The following MGAT5B variants were observed in gnomAD, a reference collection of about 807,000 sequenced individuals.
MGAT5B encodes the protein alpha-1,6-mannosylglycoprotein 6-beta-N-acetylglucosaminyltransferase B, also known as N-acetylglucosaminyl-transferase Vb.
MGAT5B carries 54 observed loss-of-function variants against 95.1 expected under a neutral mutation model. The observed-to-expected ratio is 0.57, with a 90% CI of 0.46 to 0.71. MGAT5B has a LOEUF of 0.71. Ranked by LOEUF, MGAT5B falls within the 30% of genes least tolerant of loss-of-function variation. The probability of loss-of-function intolerance (pLI) is 0.00; values close to 1 mark genes in which losing one functional copy is unlikely to be tolerated. For missense variants in MGAT5B, 935 were observed against 1,088.6 expected (o/e 0.86, Z 1.99); for synonymous variants, 464 against 451.0 (o/e 1.03, Z -0.36).
At chr17:76,929,145 C>T (rs1969407007) in intron 10 of MGAT5B, among the ~76,000 whole-genome samples, 2 of 152,094 alleles carry the variant, frequency 1.3e-5, no homozygotes, top group African/African-American at 2.4e-5. Flanking sequence ...GGATTCCAGG[C>T]GTGAGCCACT....
chr17:76,885,244 C>T (rs970531546), intron 3 of MGAT5B, among the ~76,000 whole-genome samples: 1 of 152,108 alleles, frequency 6.6e-6, no homozygotes, highest in Non-Finnish European at 1.5e-5. Context: ...GTCTGTGTGC[C>T]CTCGGATCCA....
At chr17:76,901,863 C>T (rs1968324784) in intron 3 of MGAT5B, among the ~76,000 whole-genome samples, 1 of 152,272 alleles carries the variant, frequency 6.6e-6, no homozygotes, top group Non-Finnish European at 1.5e-5. Context: ...CCTAGCCAGG[C>T]TCTTGAATGG....
chr17:76,906,311 C>A lies in MGAT5B; in HGVS notation c.1025+124C>A. 1 of 855,234 alleles carries A rather than the reference C, an allele frequency of 1.2e-6. No individual in the cohort carries two copies. Among genetic ancestry groups the A allele is most frequent in the Non-Finnish European group, 1.7e-6 (1 of 577,190 alleles). 53.0% of individuals were successfully genotyped at this position (855,234 alleles called of 1,614,324 possible). On this transcript the variant is annotated intron_variant, in intron 8 of 17. Coordinates refer to ENST00000569840, the MANE Select transcript of MGAT5B (RefSeq NM_001199172.2). The surrounding 1 kb of genome is among the most constrained non-coding windows in gnomAD (Gnocchi z 4.6). ...GCCTGCAGGTCCCACGGCCCTGAGA[C>A]CCTGGGAGACATCCTGGTGTTCCGC...
chr17:76,929,852 T>A (rs1040611977), intron 10 of MGAT5B, among the ~76,000 whole-genome samples: 2 of 152,220 alleles, frequency 1.3e-5, no homozygotes, highest in African/African-American at 4.8e-5. Flanking sequence ...GTTGCAATAC[T>A]TCCCTGTCCC....
intron 15 of MGAT5B, among the ~76,000 whole-genome samples, chr17:76,945,808 C>T (rs1227460681): frequency 6.6e-6 from 1 of 152,174 alleles, no homozygotes; most frequent in Non-Finnish European, 1.5e-5. Context: ...ATGCCAGGCA[C>T]TGTGCCAGGC....
intron 12 of MGAT5B, among the ~76,000 whole-genome samples, chr17:76,935,876 A>AC (rs1969644383): frequency 1.9e-5 from 2 of 102,700 alleles, no homozygotes; most frequent in Non-Finnish European, 2.2e-5. Flanking sequence ...TACATTATAT[A>AC]TATTATATAT....
intron 2 of MGAT5B, among the ~76,000 whole-genome samples, chr17:76,874,218 T>C (rs1332294622): frequency 2.0e-5 from 3 of 152,174 alleles, no homozygotes; most frequent in Non-Finnish European, 4.4e-5. Context: ...CCAGGCTCGT[T>C]GCGAGGCTGT....
At chr17:76,903,052 A>G (rs896618948) in intron 4 of MGAT5B, among the ~76,000 whole-genome samples, 1 of 152,122 alleles carries the variant, frequency 6.6e-6, no homozygotes, top group Admixed American at 6.5e-5. Context: ...GGGTGGGTGC[A>G]TGAGGTCTGC....
At position 76,916,349 on chromosome 17, in the gene MGAT5B, C is replaced by T. The variant is rs1373017997; in HGVS notation, c.1026-8617C>T. On this transcript the variant is annotated intron_variant, in intron 8 of 17. Coordinates refer to ENST00000569840, the MANE Select transcript of MGAT5B (RefSeq NM_001199172.2). This position sits in a 1 kb window ranked among gnomAD's most constrained non-coding sequence, Gnocchi z 5.3. ...CTGAACATTGACCAATAAGCAAGAC[C>T]GATGGAGGCCGTGCCGTGTCGCCTT... 1.3e-5 allele frequency among the ~76,000 whole-genome samples: 2 copies of T among 152,244 alleles called. No individual in the cohort carries two copies. Among genetic ancestry groups the T allele is most frequent in the Admixed American group, 6.5e-5 (1 of 15,294 alleles).
intron 12 of MGAT5B, among the ~76,000 whole-genome samples, chr17:76,935,352 T>G (rs1271744132): frequency 6.9e-6 from 1 of 144,756 alleles, no homozygotes; most frequent in African/African-American, 2.5e-5. Context: ...AAACATATGC[T>G]TTCATTTCTC....
intron 15 of MGAT5B, among the ~76,000 whole-genome samples, chr17:76,943,336 C>T (rs1035129656): frequency 6.6e-6 from 1 of 152,126 alleles, no homozygotes; most frequent in Non-Finnish European, 1.5e-5. Context: ...CCAACGGAGG[C>T]CCCTCTGCCT....
chr17:76,888,033 G>A (rs1234146637), intron 3 of MGAT5B, among the ~76,000 whole-genome samples: 1 of 152,186 alleles, frequency 6.6e-6, no homozygotes, highest in Non-Finnish European at 1.5e-5. Flanking sequence ...CTGGAGCACA[G>A]TGATCTCAGA....
Position 76,876,607 on chromosome 17 carries a change from C to G in MGAT5B, c.181+3644C>G, listed in dbSNP as rs766238908. 2.0e-5 allele frequency among the ~76,000 whole-genome samples: 3 copies of G among 152,190 alleles called. No homozygotes were observed. In the East Asian group the frequency reaches 5.8e-4, roughly 29 times the overall value. On this transcript the variant is annotated intron_variant, in intron 2 of 17. Coordinates refer to ENST00000569840, the MANE Select transcript of MGAT5B (RefSeq NM_001199172.2). ...GGGAGAGGGAGGAGAAGGCTTTTCT[C>G]GAAAAGAAGAGGAGGGCGTCATTCA...
At chr17:76,872,102 A>G (rs1363400343) in intron 1 of MGAT5B, among the ~76,000 whole-genome samples, 1 of 149,262 alleles carries the variant, frequency 6.7e-6, no homozygotes, top group Non-Finnish European at 1.5e-5. Context: ...CCTATATGAC[A>G]CCCCTTGCAC....
At chr17:76,876,527 C>T (rs1967199513) in intron 2 of MGAT5B, among the ~76,000 whole-genome samples, 2 of 152,090 alleles carry the variant, frequency 1.3e-5, no homozygotes, top group South Asian at 4.1e-4. Flanking sequence ...ACAATCTCTC[C>T]TCCCCTGTCA....
chr17:76,897,685 C>CTTTCTT (rs1968121582), intron 3 of MGAT5B, among the ~76,000 whole-genome samples: 5 of 102,554 alleles, frequency 4.9e-5, no homozygotes, highest in Admixed American at 2.2e-4. Context: ...TTCTTTCTTT[C>CTTTCTT]TTTCTTTCTT....
At chr17:76,919,717 C>T (rs1598964490) in intron 8 of MGAT5B, among the ~76,000 whole-genome samples, 1 of 152,182 alleles carries the variant, frequency 6.6e-6, no homozygotes, top group South Asian at 2.1e-4. Context: ...AGGCGTGAGC[C>T]GCTGTGCCGG....
chr17:76,941,258 G>A (rs2145278975), intron 15 of MGAT5B, among the ~76,000 whole-genome samples: 1 of 152,368 alleles, frequency 6.6e-6, no homozygotes, highest in East Asian at 1.9e-4. Context: ...AATATAATGT[G>A]CATACAGAGC....
At chr17:76,946,669 G>C (rs567390104) in intron 16 of MGAT5B, among the ~76,000 whole-genome samples, 24 of 152,254 alleles carry the variant, frequency 1.6e-4, no homozygotes, top group Non-Finnish European at 2.5e-4. Context: ...CACTCCTGCT[G>C]TCTGGGCCCA....
Sources: allele counts gnomAD v4.1 joint callset (sites outside exome capture counted in the v4.1 genomes callset), GRCh38; gene constraint gnomAD v4.1.1; non-coding constraint Gnocchi (gnomAD v3.1); transcripts MANE v1.5; gene names NCBI Gene and HGNC (gene_info 2026-07-23, HGNC 2026-07-21).